The following RALYL variants were observed in gnomAD, a reference collection of about 807,000 sequenced individuals.
The protein encoded by RALYL is RALY RNA binding protein like.
In RALYL, 29 loss-of-function variants were observed where a neutral mutation model predicts 35.1. The ratio of observed to expected loss-of-function variants is 0.83; its 90% CI spans 0.61 to 1.13. The LOEUF (loss-of-function observed/expected upper bound fraction) is 1.13, where lower values mean the gene tolerates loss of function less well. Among genes scored for constraint, RALYL ranks in the 50% most tolerant of loss-of-function variants. The pLI, the probability that RALYL is intolerant of heterozygous loss-of-function variation, is 0.00. For synonymous variants in RALYL, 120 were observed against 127.6 expected (o/e 0.94, Z 0.40); for missense variants, 359 against 360.4 (o/e 1.00, Z 0.03).
At chr8:84,695,064 T>C (rs1838861986) in intron 2 of RALYL, among the ~76,000 whole-genome samples, 1 of 151,786 alleles carries the variant, frequency 6.6e-6, no homozygotes, top group East Asian at 1.9e-4. Flanking sequence ...TCAAGAAGAA[T>C]TAGGATTAAC....
intron 1 of RALYL, among the ~76,000 whole-genome samples, chr8:84,324,650 C>T (rs73306964): frequency 0.012 from 1,824 of 150,990 alleles, 48 homozygotes; most frequent in African/African-American, 0.041. Context: ...TTTCTGGTTG[C>T]GGAGTGATGC....
intron 1 of RALYL, among the ~76,000 whole-genome samples, chr8:84,473,762 TA>T (rs1270046629): frequency 6.6e-6 from 1 of 151,924 alleles, no homozygotes; most frequent in African/African-American, 2.4e-5. Context: ...CTATGTCACT[TA>T]ATAGTGTTAT....
chr8:84,790,328 C>T (rs531045373), intron 3 of RALYL, among the ~76,000 whole-genome samples: 6 of 152,266 alleles, frequency 3.9e-5, no homozygotes, highest in South Asian at 2.1e-4. Flanking sequence ...ATTTCACATA[C>T]GGTCAGCCCT....
intron 1 of RALYL, among the ~76,000 whole-genome samples, chr8:84,435,137 A>T (rs1322261583): frequency 6.6e-6 from 1 of 152,136 alleles, no homozygotes; most frequent in African/African-American, 2.4e-5. Flanking sequence ...ACTAGGGAAA[A>T]AAGAAAGCTT....
intron 2 of RALYL, among the ~76,000 whole-genome samples, chr8:84,754,246 T>TATA (rs1406370946): frequency 4.7e-5 from 7 of 150,354 alleles, no homozygotes; most frequent in Non-Finnish European, 1.0e-4. Flanking sequence ...AAACTTAAAG[T>TATA]ATAATAATAA....
intron 2 of RALYL, among the ~76,000 whole-genome samples, chr8:84,580,268 G>A (rs1043432471): frequency 1.3e-5 from 2 of 152,162 alleles, no homozygotes; most frequent in African/African-American, 2.4e-5. Flanking sequence ...ATTTTGAGTT[G>A]CTATAAAGGA....
At chr8:84,513,167 T>G (rs1487401923) in intron 1 of RALYL, among the ~76,000 whole-genome samples, 1 of 152,182 alleles carries the variant, frequency 6.6e-6, no homozygotes, top group Non-Finnish European at 1.5e-5. Flanking sequence ...GTCGTCCATT[T>G]TTTTGTGTGT....
At chr8:84,429,132 C>T (rs749128468) in intron 1 of RALYL, among the ~76,000 whole-genome samples, 9 of 151,924 alleles carry the variant, frequency 5.9e-5, no homozygotes, top group South Asian at 4.2e-4. Context: ...GGAAGGGGCA[C>T]GAAAAAGCAT....
At chr8:84,858,683 A>T (rs1037370796) in intron 5 of RALYL, among the ~76,000 whole-genome samples, 2 of 152,184 alleles carry the variant, frequency 1.3e-5, no homozygotes, top group Non-Finnish European at 2.9e-5. Context: ...GATTTACTGT[A>T]GGCCGAATTC....
chr8:84,196,306 AAAG>A (rs1159289662), intron 1 of RALYL, among the ~76,000 whole-genome samples: 7 of 152,222 alleles, frequency 4.6e-5, no homozygotes, highest in Admixed American at 2.6e-4. Context: ...AATGGAAGAG[AAAG>A]AAGGAGGTCA....
At chr8:84,544,330 A>G (rs2060214334) in intron 2 of RALYL, among the ~76,000 whole-genome samples, 1 of 151,834 alleles carries the variant, frequency 6.6e-6, no homozygotes, top group Non-Finnish European at 1.5e-5. Context: ...CCACTTGTAA[A>G]CTTTTATTTT....
At chr8:84,386,353 T>C (rs1018008238) in intron 1 of RALYL, among the ~76,000 whole-genome samples, 1 of 151,836 alleles carries the variant, frequency 6.6e-6, no homozygotes, top group East Asian at 1.9e-4. Context: ...AAGAATATTG[T>C]TTAATTTACT....
chr8:84,372,164 T>C (rs1188418369), intron 1 of RALYL, among the ~76,000 whole-genome samples: 1 of 152,060 alleles, frequency 6.6e-6, no homozygotes, highest in Non-Finnish European at 1.5e-5. Context: ...TGGCTGCTAA[T>C]GGAGAAAGTC....
intron 2 of RALYL, among the ~76,000 whole-genome samples, chr8:84,585,721 A>G (rs941092789): frequency 2.6e-5 from 4 of 152,162 alleles, no homozygotes; most frequent in Non-Finnish European, 5.9e-5. Flanking sequence ...ATTAACAAAT[A>G]TTCCAAATGT....
At chr8:84,327,581 T>C (rs73291401) in intron 1 of RALYL, among the ~76,000 whole-genome samples, 7,192 of 152,122 alleles carry the variant, frequency 0.047, 265 homozygotes, top group African/African-American at 0.083. Flanking sequence ...ACCTTATGTA[T>C]CTATGGCTGC....
rs139588965 is a variant in RALYL at position 84,357,054 on chromosome 8, C to T, written c.-23-172245C>T. ...TACTGGACAACTCTTGGTAACATTC[C>T]GATTAAGACAATGTATAATGTTTCC... On this transcript the variant is annotated intron_variant, in intron 1 of 8. Transcript: ENST00000521268. Among the ~76,000 whole-genome samples, 780 of 152,102 alleles carry T rather than the reference C, an allele frequency of 5.1e-3. 8 individuals carry two copies. The highest frequency in any genetic ancestry group is 0.018 in the African/African-American group (750 of 41,522).
intron 2 of RALYL, among the ~76,000 whole-genome samples, chr8:84,575,429 T>A (rs1456490884): frequency 1.3e-5 from 2 of 152,206 alleles, no homozygotes; most frequent in Non-Finnish European, 2.9e-5. Context: ...GAGGATAAAA[T>A]TTTTAATGAA....
At chr8:84,357,479 C>T (rs1335753645) in intron 1 of RALYL, among the ~76,000 whole-genome samples, 2 of 152,016 alleles carry the variant, frequency 1.3e-5, no homozygotes, top group East Asian at 3.9e-4. Flanking sequence ...TAGGATAACA[C>T]TAATTGTAAG....
chr8:84,207,265 T>G (rs1818273519), intron 1 of RALYL, among the ~76,000 whole-genome samples: 1 of 151,988 alleles, frequency 6.6e-6, no homozygotes, highest in South Asian at 2.1e-4. Flanking sequence ...ACAACCTAAG[T>G]GTCCATCAAT....
Sources: allele counts gnomAD v4.1 joint callset (sites outside exome capture counted in the v4.1 genomes callset), GRCh38; gene constraint gnomAD v4.1.1; transcripts MANE v1.5; gene names NCBI Gene and HGNC (gene_info 2026-07-23, HGNC 2026-07-21).